SLC38A8: variants seen among roughly 807,000 people sequenced by gnomAD.
SLC38A8 encodes amino acid transporter SLC38A8.
Under a neutral mutation model 46.0 loss-of-function variants are expected in SLC38A8, and 65 were observed. The observed-to-expected ratio is 1.41, with a 90% CI of 1.16 to 1.74. The LOEUF (loss-of-function observed/expected upper bound fraction) is 1.74. Ranked by LOEUF, SLC38A8 falls within the 40% of genes most tolerant of loss-of-function variation. SLC38A8 has a pLI of 0.00. For synonymous variants in SLC38A8, 447 were observed against 243.7 expected (o/e 1.83, Z -7.77); for missense variants, 998 against 567.9 (o/e 1.76, Z -7.70).
At chr16:84,011,132 A>G (rs111696687) in intron 10 of SLC38A8, among the ~76,000 whole-genome samples, 6,766 of 152,326 alleles carry the variant, frequency 0.044, 201 homozygotes, top group South Asian at 0.1. Flanking sequence ...GTTCAGCGCC[A>G]TAAACATCCA....
intron 6 of SLC38A8, among the ~76,000 whole-genome samples, chr16:84,026,886 A>G (rs1431026939): frequency 2.0e-5 from 3 of 152,168 alleles, no homozygotes; most frequent in Admixed American, 6.5e-5. Context: ...GAGGTGGAGA[A>G]TGGAGAGTGA....
chr16:84,024,599 G>T (rs1461517926), intron 6 of SLC38A8, among the ~76,000 whole-genome samples: 3 of 151,994 alleles, frequency 2.0e-5, no homozygotes, highest in East Asian at 2.0e-4. Context: ...TGGCCAACAT[G>T]GTGAAACCCC....
At chr16:84,037,489 A>G (rs561668581) in intron 2 of SLC38A8, among the ~76,000 whole-genome samples, 32 of 152,350 alleles carry the variant, frequency 2.1e-4, no homozygotes, top group African/African-American at 7.2e-4. Context: ...GGCTGGGCAC[A>G]GTGGCTCATG....
In SLC38A8 at chr16:84,042,078, A is replaced by T; in HGVS notation, c.80T>A (p.Met27Lys). Residue 27 changes from methionine to lysine, a missense_variant, in exon 2 of 11, where the codon ATG becomes AAG. Transcript: ENST00000299709. ...CTTCATGAGGATGAAGACAGCGCCC[A>T]TCGAGGACAGAGTGGCAGCAGCCGT... ...PATAAATLSS[M>K]GAVFILMKSA... The T allele has an allele frequency of 1.9e-6, 3 of 1,614,072 alleles. No homozygotes were observed. Among genetic ancestry groups the T allele is most frequent in the Non-Finnish European group, 2.5e-6 (3 of 1,180,016 alleles).
At chr16:84,028,261 A>T (rs1436643511) in intron 6 of SLC38A8, among the ~76,000 whole-genome samples, 1 of 152,050 alleles carries the variant, frequency 6.6e-6, no homozygotes, top group Admixed American at 6.6e-5. Flanking sequence ...GGTTGTTTTT[A>T]GGACATCGAG....
At chr16:84,019,405 A>G (rs1481960855) in intron 7 of SLC38A8, among the ~76,000 whole-genome samples, 1 of 152,134 alleles carries the variant, frequency 6.6e-6, no homozygotes, top group African/African-American at 2.4e-5. Context: ...TAATTAATGT[A>G]CCAATTTGGC....
intron 4 of SLC38A8, among the ~76,000 whole-genome samples, chr16:84,032,755 G>C (rs1056799099): frequency 1.3e-5 from 2 of 152,248 alleles, no homozygotes; most frequent in Non-Finnish European, 2.9e-5. Context: ...GGAAAAGGCA[G>C]GCAGCAGAGG....
At chr16:84,030,505 A>T (rs1338632892) in intron 5 of SLC38A8, among the ~76,000 whole-genome samples, 1 of 151,448 alleles carries the variant, frequency 6.6e-6, no homozygotes, top group Non-Finnish European at 1.5e-5. Context: ...AGACACACAG[A>T]CCTGCCCAGC....
intron 3 of SLC38A8, 46 bp downstream of exon 3, chr16:84,036,656 G>A (rs760466166): frequency 2.5e-6 from 4 of 1,606,418 alleles, no homozygotes; most frequent in Admixed American, 1.7e-5. Context: ...GAGGTCATTA[G>A]AGGTCCGGCA....
chr16:84,015,763 T>C (rs1427884302), intron 9 of SLC38A8, among the ~76,000 whole-genome samples: 1 of 152,170 alleles, frequency 6.6e-6, no homozygotes, highest in Non-Finnish European at 1.5e-5. Flanking sequence ...TAGAGTGCAG[T>C]GGCGCAATCT....
Position 84,041,804 on chromosome 16 carries a change from G to A in SLC38A8, c.189+165C>T, listed in dbSNP as rs532621177. On this transcript the variant is annotated intron_variant, in intron 2 of 10. Coordinates refer to ENST00000299709, the MANE Select transcript of SLC38A8 (RefSeq NM_001080442.3). ...GGGATATTCTCATCCCAGGGCTACA[G>A]TGGGATTATCTTCTCCCCTCATTAG... 3.3e-5 allele frequency among the ~76,000 whole-genome samples: 5 copies of A among 152,336 alleles called. No individual in the cohort carries two copies. In the South Asian group the frequency reaches 1.0e-3, roughly 32 times the overall value.
At chr16:84,027,974 G>A (rs1014539872) in intron 6 of SLC38A8, among the ~76,000 whole-genome samples, 5 of 152,118 alleles carry the variant, frequency 3.3e-5, no homozygotes, top group Non-Finnish European at 5.9e-5. Flanking sequence ...GAAATCCACA[G>A]AAGTGGCTTG....
intron 10 of SLC38A8, among the ~76,000 whole-genome samples, chr16:84,010,455 T>A (rs1484563717): frequency 6.6e-6 from 1 of 151,960 alleles, no homozygotes; most frequent in Non-Finnish European, 1.5e-5. Context: ...TAAAAAGACA[T>A]GGGGGCCAGG....
intron 7 of SLC38A8, among the ~76,000 whole-genome samples, chr16:84,019,131 G>T (rs896526552): frequency 6.6e-6 from 1 of 151,750 alleles, no homozygotes; most frequent in Non-Finnish European, 1.5e-5. Flanking sequence ...CTGGATTGCA[G>T]TGGCACAATC....
At position 84,016,528 on chromosome 16, in the gene SLC38A8, T is replaced by C; in HGVS notation, c.1153A>G (p.Ile385Val). ...IGGISSFFIF[I>V]FPGLCLICAM... is the part of the protein sequence containing the mutation. ...AAAGCAGGGGCCTCACCTGGGAAGA[T>C]GAAGATGAAGAAGGAACTGATGCCT... The change falls in exon 9 of 11, where the codon ATC becomes GTC. Residue 385 changes from isoleucine to valine, a missense_variant. Physicochemically the swap from Ile to Val is conservative, Grantham distance 29. Coordinates refer to ENST00000299709, the MANE Select transcript of SLC38A8 (RefSeq NM_001080442.3). 2 of 1,613,660 alleles carry C rather than the reference T, an allele frequency of 1.2e-6. No individual in the cohort carries two copies. Among genetic ancestry groups the C allele is most frequent in the South Asian group, 1.1e-5 (1 of 91,066 alleles).
rs553450626 is a variant in SLC38A8, at chr16:84,024,685, G to A, written c.691-1796C>T. Among the ~76,000 whole-genome samples, 221 of 152,164 alleles carry A rather than the reference G, an allele frequency of 1.5e-3. 1 individual carries two copies. Among genetic ancestry groups the A allele is most frequent in the African/African-American group, 3.8e-3 (159 of 41,568 alleles). On this transcript the variant is annotated intron_variant, in intron 6 of 10. Coordinates refer to ENST00000299709, the MANE Select transcript of SLC38A8 (RefSeq NM_001080442.3). Reference sequence around the variant, plus strand: ...AATCCTAGTTACTTGGGAGGCTAAGGCAGGAGAGTCGCTCAAGCCTGGGAG... The same window carrying A: ...AATCCTAGTTACTTGGGAGGCTAAGACAGGAGAGTCGCTCAAGCCTGGGAG...
chr16:84,016,724 T>C lies in SLC38A8; in HGVS notation c.957A>G (p.Ser319=). 1 of 1,611,564 alleles carries C rather than the reference T, an allele frequency of 6.2e-7. No individual in the cohort carries two copies. Among genetic ancestry groups the C allele is most frequent in the South Asian group, 1.1e-5 (1 of 90,978 alleles). Reference sequence around the variant, plus strand: ...TCCTCCTCCAGAAGTCCTGCATCACTGACCTGGAGGCCACAGCCAACACAG... The same window carrying C: ...TCCTCCTCCAGAAGTCCTGCATCACCGACCTGGAGGCCACAGCCAACACAG... The part of the protein sequence containing the change: ...VYPIVLFLGR[S]VMQDFWRRSC... Residue 319 remains serine, a synonymous_variant, in exon 9 of 11, where the codon TCA becomes TCG. Coordinates refer to ENST00000299709, the MANE Select transcript of SLC38A8 (RefSeq NM_001080442.3).
chr16:84,016,096 T>C (rs560215309), intron 9 of SLC38A8, among the ~76,000 whole-genome samples: 21 of 129,590 alleles, frequency 1.6e-4, no homozygotes, highest in East Asian at 2.1e-4. Context: ...TCTTACATGG[T>C]GGCAGGCAGG....
At chr16:84,021,668 C>T (rs58499828) in intron 7 of SLC38A8, among the ~76,000 whole-genome samples, 29,433 of 152,070 alleles carry the variant, frequency 0.19, 4,823 homozygotes, top group African/African-American at 0.45. Context: ...GCTCCAAAGC[C>T]GCTTCCACGT....
Sources: gnomAD v4.1 joint callset for allele counts (sites outside exome capture counted in the v4.1 genomes callset) on GRCh38, gnomAD v4.1.1 for gene constraint, MANE v1.5 for transcripts, NCBI Gene and HGNC (gene_info 2026-07-23, HGNC 2026-07-21) for gene names.